DLGAP2: variants seen among roughly 807,000 people sequenced by gnomAD.
DLGAP2 encodes DLG associated protein 2, also known as disks large-associated protein 2.
A neutral mutation model predicts 100.3 loss-of-function variants in DLGAP2; 26 were observed. The ratio of observed to expected loss-of-function variants is 0.26; its 90% CI spans 0.19 to 0.36. The LOEUF is 0.36. DLGAP2 is among the 10% of genes least tolerant of loss of function. DLGAP2 has a pLI of 1.00. For missense variants in DLGAP2, 1,858 were observed against 1,453.2 expected (o/e 1.28, Z -4.53); for synonymous variants, 886 against 630.1 (o/e 1.41, Z -6.08).
At chr8:894,202 C>T (rs1798094203) in intron 1 of DLGAP2, among the ~76,000 whole-genome samples, 1 of 152,168 alleles carries the variant, frequency 6.6e-6, no homozygotes, top group Non-Finnish European at 1.5e-5. Flanking sequence ...AGAGCAGCCT[C>T]CCTGCAGCCT....
intron 1 of DLGAP2, among the ~76,000 whole-genome samples, chr8:844,170 AGT>A (rs1797032014): frequency 6.6e-6 from 1 of 152,214 alleles, no homozygotes; most frequent in Non-Finnish European, 1.5e-5. Flanking sequence ...TTAGAAAGGA[AGT>A]GTGTTTGTGA....
chr8:1,199,492 C>G (rs898081209), intron 2 of DLGAP2, among the ~76,000 whole-genome samples: 1 of 152,168 alleles, frequency 6.6e-6, no homozygotes, highest in Non-Finnish European at 1.5e-5. Flanking sequence ...CACAGGCAGT[C>G]CAGTGAAGGC....
At chr8:1,340,119 A>G (rs1001070916) in intron 3 of DLGAP2, among the ~76,000 whole-genome samples, 8 of 152,212 alleles carry the variant, frequency 5.3e-5, no homozygotes, top group Non-Finnish European at 8.8e-5. Context: ...TTAAAACCCA[A>G]AACTATAAAA....
intron 2 of DLGAP2, among the ~76,000 whole-genome samples, chr8:976,502 C>A (rs1800167623): frequency 6.6e-6 from 1 of 152,156 alleles, no homozygotes; most frequent in South Asian, 2.1e-4. Context: ...GTCCCAGCTA[C>A]TTGGGAGGCT....
chr8:957,186 G>A (rs1394358377), intron 2 of DLGAP2, among the ~76,000 whole-genome samples: 2 of 152,222 alleles, frequency 1.3e-5, no homozygotes, highest in African/African-American at 4.8e-5. Flanking sequence ...ACCTGGCATA[G>A]GATGGATAAC....
chr8:1,322,892 G>A (rs1325895655), intron 3 of DLGAP2, among the ~76,000 whole-genome samples: 1 of 152,160 alleles, frequency 6.6e-6, no homozygotes, highest in African/African-American at 2.4e-5. Context: ...TATAATCATT[G>A]TGTACTATTA....
rs748965188 is a variant in DLGAP2, at chr8:1,703,333, A to G, written c.*1927A>G. The G allele has an allele frequency of 2.0e-5, 3 of 152,612 alleles. No individual in the cohort carries two copies. Among genetic ancestry groups the G allele is most frequent in the Non-Finnish European group, 4.4e-5 (3 of 68,026 alleles). 9.5% of individuals were successfully genotyped at this position (152,612 alleles called of 1,614,324 possible). A position where few individuals can be genotyped will look rare whatever the true frequency, so the allele number is the denominator to read the frequency against. ...AAAAATCCCTGAAATATTCTTCTAT[A>G]AATGAATCCTATTTCCCCAGAGTGT... is the stretch of plus-strand genomic sequence containing the variant. On this transcript the variant is annotated 3_prime_UTR_variant, in exon 15 of 15. Transcript: ENST00000637795.
intron 1 of DLGAP2, among the ~76,000 whole-genome samples, chr8:803,243 T>C (rs1796206301): frequency 6.6e-6 from 1 of 152,194 alleles, no homozygotes; most frequent in Admixed American, 6.5e-5. Flanking sequence ...GTTTCTCCAG[T>C]GTGGAATTGC....
intron 5 of DLGAP2, among the ~76,000 whole-genome samples, chr8:1,552,140 A>T (rs1236149887): frequency 1.3e-5 from 2 of 152,142 alleles, no homozygotes; most frequent in African/African-American, 4.8e-5. Flanking sequence ...CCCTGACGCC[A>T]CTGGCCTCCC....
chr8:1,664,577 G>A (rs751470000), intron 8 of DLGAP2, among the ~76,000 whole-genome samples: 13 of 152,148 alleles, frequency 8.5e-5, no homozygotes, highest in Non-Finnish European at 1.6e-4. Flanking sequence ...GGCACTTTAC[G>A]TCGGTGCCCA....
At chr8:1,171,017 A>G (rs893482325) in intron 2 of DLGAP2, among the ~76,000 whole-genome samples, 1 of 151,612 alleles carries the variant, frequency 6.6e-6, no homozygotes, top group African/African-American at 2.4e-5. Context: ...TCTTGTGGGC[A>G]TTTAGTGCTA....
At chr8:1,601,193 C>T (rs1796611811) in intron 6 of DLGAP2, among the ~76,000 whole-genome samples, 1 of 152,206 alleles carries the variant, frequency 6.6e-6, no homozygotes, top group African/African-American at 2.4e-5. Context: ...CTGGGTATCA[C>T]CAGTGGAGGT....
intron 1 of DLGAP2, among the ~76,000 whole-genome samples, chr8:765,055 G>C (rs528782921): frequency 6.6e-6 from 1 of 152,308 alleles, no homozygotes; most frequent in East Asian, 1.9e-4. Flanking sequence ...CATTTAGAAC[G>C]TATTTAGTAA....
intron 3 of DLGAP2, among the ~76,000 whole-genome samples, chr8:1,285,734 T>G (rs1799908527): frequency 6.6e-6 from 1 of 152,216 alleles, no homozygotes; most frequent in African/African-American, 2.4e-5. Flanking sequence ...TTTAGTAGGC[T>G]GACACAGGAG....
intron 1 of DLGAP2, among the ~76,000 whole-genome samples, chr8:905,479 A>G (rs971761695): frequency 6.6e-6 from 1 of 152,050 alleles, no homozygotes; most frequent in African/African-American, 2.4e-5. Flanking sequence ...TTCAAATCGA[A>G]CAGAGACGGC....
At chr8:1,060,958 G>A (rs1412037259) in intron 2 of DLGAP2, among the ~76,000 whole-genome samples, 2 of 152,226 alleles carry the variant, frequency 1.3e-5, no homozygotes, top group East Asian at 3.9e-4. Flanking sequence ...TCAATGTGTT[G>A]ATATTTCGAT....
At chr8:1,671,086 T>A (rs1798679516) in intron 10 of DLGAP2, among the ~76,000 whole-genome samples, 1 of 152,186 alleles carries the variant, frequency 6.6e-6, no homozygotes, top group South Asian at 2.1e-4. Context: ...ATGGGAAAAC[T>A]GAGGCTCAGG....
chr8:1,581,412 A>C (rs1803249657), intron 6 of DLGAP2, among the ~76,000 whole-genome samples: 1 of 151,332 alleles, frequency 6.6e-6, no homozygotes, highest in African/African-American at 2.4e-5. Flanking sequence ...AAAAAACCCC[A>C]CACACATATA....
rs1799651895 is a variant in DLGAP2 at position 1,704,449 on chromosome 8, G to A, written c.*3043G>A. ...TAAACAGGACCTAGCGTTTAGCCCGGGAAAGGAGAATGCTGCTTGTCACCT... is the reference window on the plus strand; with the variant it reads ...TAAACAGGACCTAGCGTTTAGCCCGAGAAAGGAGAATGCTGCTTGTCACCT... On this transcript the variant is annotated 3_prime_UTR_variant, in exon 15 of 15. Coordinates refer to ENST00000637795, the MANE Select transcript of DLGAP2 (RefSeq NM_001346810.2). 1 of 152,228 alleles carries A rather than the reference G, an allele frequency of 6.6e-6. No individual in the cohort carries two copies. Among genetic ancestry groups the A allele is most frequent in the Non-Finnish European group, 1.5e-5 (1 of 68,042 alleles). The allele number at this position is 152,228 out of a possible 1,614,324, so 9.4% of individuals were successfully genotyped here.
Sources: gnomAD v4.1 joint callset for allele counts (sites outside exome capture counted in the v4.1 genomes callset) on GRCh38, gnomAD v4.1.1 for gene constraint, MANE v1.5 for transcripts, NCBI Gene and HGNC (gene_info 2026-07-23, HGNC 2026-07-21) for gene names.